The following SNX29 variants were observed in gnomAD, a reference collection of about 807,000 sequenced individuals.
SNX29 encodes the protein sorting nexin 29.
In SNX29, 78 loss-of-function variants were observed where a neutral mutation model predicts 102.1. That is an observed-to-expected ratio of 0.76 (90% CI 0.64 to 0.92). The LOEUF (loss-of-function observed/expected upper bound fraction) is 0.92. SNX29 is among the 40% of genes least tolerant of loss of function. The pLI, the probability that SNX29 is intolerant of heterozygous loss-of-function variation, is 0.00. For synonymous variants in SNX29, 580 were observed against 414.5 expected, an observed-to-expected ratio of 1.40 and a Z score of -4.85; for missense variants, 1,280 against 1,061.7, an observed-to-expected ratio of 1.21 and a Z score of -2.86.
Position 12,185,019 on chromosome 16 carries a change from G to C in SNX29, c.1596-14582G>C, listed in dbSNP as rs1397531781. Reference sequence around the variant, plus strand: ...TTCTGCTGTGGATGCTGAACCATCAGCTGTCACAAGAAAGGCTGTTTGTAT... The same window carrying C: ...TTCTGCTGTGGATGCTGAACCATCACCTGTCACAAGAAAGGCTGTTTGTAT... On this transcript the variant is annotated intron_variant, in intron 13 of 20. Transcript: ENST00000566228. Among the ~76,000 whole-genome samples, 4 of 152,214 alleles carry C rather than the reference G, an allele frequency of 2.6e-5. No homozygotes were observed. In the East Asian group the frequency reaches 7.7e-4, roughly 29 times the overall value.
intron 19 of SNX29, among the ~76,000 whole-genome samples, chr16:12,495,978 G>A (rs1050135525): frequency 1.3e-5 from 2 of 152,146 alleles, no homozygotes; most frequent in East Asian, 1.9e-4. Flanking sequence ...AACTCAGGAG[G>A]TGAAGGTTTT....
At chr16:12,440,313 T>C (rs1326833710) in intron 18 of SNX29, among the ~76,000 whole-genome samples, 1 of 152,194 alleles carries the variant, frequency 6.6e-6, no homozygotes, top group Non-Finnish European at 1.5e-5. Flanking sequence ...TACGCAACCA[T>C]CACCACTCTA....
chr16:12,046,514 G>C, intron 6 of SNX29, 60 bp downstream of exon 6: 1 of 1,549,138 alleles, frequency 6.5e-7, no homozygotes, highest in East Asian at 2.2e-5. Context: ...GGGCTGCCTT[G>C]GGGCAGTTCC....
intron 15 of SNX29, among the ~76,000 whole-genome samples, chr16:12,342,457 G>A (rs2081637429): frequency 6.6e-6 from 1 of 152,176 alleles, no homozygotes; most frequent in East Asian, 1.9e-4. Flanking sequence ...GTGAAGTGTG[G>A]TCCCAGATTC....
Position 12,069,104 on chromosome 16 carries a change from G to A in SNX29, c.1291G>A (p.Val431Ile), listed in dbSNP as rs1232999475. ...GAACGGGACAGGACCAGAGGACCACGTTCTCCCAGATCCTGGACTTCGGTA... is the reference window on the plus strand; with the variant it reads ...GAACGGGACAGGACCAGAGGACCACATTCTCCCAGATCCTGGACTTCGGTA... ...LENGTGPEDH[V>I]LPDPGLRYSV... Residue 431 changes from valine to isoleucine, a missense_variant, in exon 10 of 21, where the codon GTT becomes ATT. Coordinates refer to ENST00000566228, the MANE Select transcript of SNX29 (RefSeq NM_032167.5). The A allele has an allele frequency of 8.1e-6, 13 of 1,613,542 alleles. No homozygotes were observed. Among genetic ancestry groups the A allele is most frequent in the Middle Eastern group, 3.3e-4 (2 of 6,082 alleles).
At chr16:12,556,510 T>G (rs2078360869) in intron 20 of SNX29, 1 of 152,282 alleles carries the variant, frequency 6.6e-6, no homozygotes, top group African/African-American at 2.4e-5. Context: ...AGTCCCCGTG[T>G]TGCCAGAGGA....
At chr16:12,383,198 C>G (rs1234867680) in intron 16 of SNX29, among the ~76,000 whole-genome samples, 1 of 152,152 alleles carries the variant, frequency 6.6e-6, no homozygotes, top group Non-Finnish European at 1.5e-5. Flanking sequence ...TTGTGATGAG[C>G]TTGGAGCTTA....
intron 13 of SNX29, among the ~76,000 whole-genome samples, chr16:12,145,698 G>T (rs1342428100): frequency 6.6e-6 from 1 of 152,060 alleles, no homozygotes; most frequent in African/African-American, 2.4e-5. Context: ...TAAATTGAGG[G>T]TCTACTTTGA....
Position 12,024,485 on chromosome 16 carries a change from C to A in SNX29, c.123-2835C>A, listed in dbSNP as rs115532724. 9.4e-3 allele frequency among the ~76,000 whole-genome samples: 1,426 copies of A among 152,152 alleles called. 17 individuals carry two copies. Among genetic ancestry groups the A allele is most frequent in the African/African-American group, 0.032 (1,337 of 41,476 alleles). On this transcript the variant is annotated intron_variant, in intron 3 of 20. Coordinates refer to ENST00000566228, the MANE Select transcript of SNX29 (RefSeq NM_032167.5). ...ATGACCAGTAGATACGTGCTCAGAT[C>A]CAAACTGGAGGTGGAAAGGGCATAT...
At chr16:12,534,886 C>G (rs1329940114) in intron 20 of SNX29, among the ~76,000 whole-genome samples, 2 of 152,154 alleles carry the variant, frequency 1.3e-5, no homozygotes, top group East Asian at 1.9e-4. Context: ...CCACGAGAAT[C>G]TAGTGGGTAG....
intron 15 of SNX29, among the ~76,000 whole-genome samples, chr16:12,322,812 T>TAG (rs2080983545): frequency 1.8e-5 from 1 of 56,688 alleles, no homozygotes; most frequent in African/African-American, 5.8e-5. Context: ...ATATGGTCAC[T>TAG]GGAATCACTG....
chr16:12,458,349 A>G (rs924642643), intron 18 of SNX29, among the ~76,000 whole-genome samples: 2 of 152,168 alleles, frequency 1.3e-5, no homozygotes, highest in Admixed American at 6.5e-5. Flanking sequence ...GGGAGGCAGA[A>G]GTCTTCTGGA....
chr16:12,255,699 A>G (rs994394447), intron 14 of SNX29, among the ~76,000 whole-genome samples: 1 of 152,190 alleles, frequency 6.6e-6, no homozygotes, highest in African/African-American at 2.4e-5. Context: ...GTCATCACAA[A>G]TGACAGGATT....
chr16:12,314,148 G>C (rs906078356), intron 15 of SNX29, among the ~76,000 whole-genome samples: 1 of 152,152 alleles, frequency 6.6e-6, no homozygotes, highest in African/African-American at 2.4e-5. Flanking sequence ...CCACCAGCAG[G>C]CCTGGCTATT....
intron 18 of SNX29, among the ~76,000 whole-genome samples, chr16:12,433,165 A>G (rs971034984): frequency 8.5e-5 from 13 of 152,138 alleles, no homozygotes; most frequent in Admixed American, 8.5e-4. Flanking sequence ...GAGTCATTAC[A>G]TTTGTCTACA....
At chr16:12,563,621 G>C (rs1037070570) in intron 20 of SNX29, among the ~76,000 whole-genome samples, 2 of 148,482 alleles carry the variant, frequency 1.3e-5, no homozygotes, top group Non-Finnish European at 3.0e-5. Context: ...TCACAGACGA[G>C]ACTGTCCTGG....
At chr16:12,032,185 TTCC>T (rs1268597985) in intron 4 of SNX29, among the ~76,000 whole-genome samples, 87 of 151,836 alleles carry the variant, frequency 5.7e-4, no homozygotes, top group African/African-American at 2.1e-3. Context: ...GTGTCAGAAT[TTCC>T]TTCTTCTTCT....
chr16:12,516,705 A>T lies in SNX29; in HGVS notation c.2179-7997A>T, dbSNP rs1188607597. On this transcript the variant is annotated intron_variant, in intron 19 of 20. Coordinates refer to ENST00000566228, the MANE Select transcript of SNX29 (RefSeq NM_032167.5). ...CAAAATACCTTGATGTTCCTTGATG[A>T]AAAGAAAAAGAACTTTGGAAATGCA... Among the ~76,000 whole-genome samples, 4 of 152,160 alleles carry T rather than the reference A, an allele frequency of 2.6e-5. No individual in the cohort carries two copies. The East Asian group carries it at 7.7e-4, about 29-fold the overall frequency.
At chr16:12,104,658 A>AG in intron 11 of SNX29, among the ~76,000 whole-genome samples, 1 of 152,074 alleles carries the variant, frequency 6.6e-6, no homozygotes, top group East Asian at 1.9e-4. Flanking sequence ...GATCATTCCC[A>AG]GGATTAGCTG....
Sources: allele counts gnomAD v4.1 joint callset (sites outside exome capture counted in the v4.1 genomes callset), GRCh38; gene constraint gnomAD v4.1.1; transcripts MANE v1.5; gene names NCBI Gene and HGNC (gene_info 2026-07-23, HGNC 2026-07-21).